The following B3GALT1 variants were observed in gnomAD, a reference collection of about 807,000 sequenced individuals.
B3GALT1 encodes the protein UDP-Gal:betaGlcNAc beta 1,3-galactosyltransferase, polypeptide 1.
Under a neutral mutation model 23.2 loss-of-function variants are expected in B3GALT1, and 10 were observed. The ratio of observed to expected loss-of-function variants is 0.43; its 90% CI spans 0.27 to 0.73. B3GALT1 has a LOEUF of 0.73. Ranked by LOEUF, B3GALT1 falls within the 30% of genes least tolerant of loss-of-function variation. The probability of loss-of-function intolerance (pLI) is 0.21; values close to 1 mark genes in which losing one functional copy is unlikely to be tolerated. For missense variants in B3GALT1, 299 were observed against 405.4 expected, an observed-to-expected ratio of 0.74 and a Z score of 2.25; for synonymous variants, 156 against 141.5, an observed-to-expected ratio of 1.10 and a Z score of -0.73.
At position 167,715,842 on chromosome 2, in the gene B3GALT1, T is replaced by C. The variant is rs1196142842; in HGVS notation, c.-352+68876T>C. 1.9e-5 allele frequency: 31 copies of C among 1,613,780 alleles called. No individual in the cohort carries two copies. In the East Asian group the frequency reaches 6.9e-4, roughly 36 times the overall value. Reference sequence around the variant, plus strand: ...GAAAGCATTTCACCAAGTTTTTTTCTCTCTTCCCACATAAAGCCGACTCCT... The same window carrying C: ...GAAAGCATTTCACCAAGTTTTTTTCCCTCTTCCCACATAAAGCCGACTCCT... On this transcript the variant is annotated intron_variant, in intron 3 of 4. Coordinates refer to ENST00000392690, the MANE Select transcript of B3GALT1 (RefSeq NM_020981.4).
intron 2 of B3GALT1, among the ~76,000 whole-genome samples, chr2:167,595,005 A>G (rs13426791): frequency 8.5e-4 from 129 of 152,260 alleles, no homozygotes; most frequent in African/African-American, 2.8e-3. Flanking sequence ...ACCCATCCCT[A>G]TATATTACTT....
intron 1 of B3GALT1, among the ~76,000 whole-genome samples, chr2:167,381,945 G>A (rs939295244): frequency 1.3e-5 from 2 of 152,096 alleles, no homozygotes; most frequent in Non-Finnish European, 2.9e-5. Flanking sequence ...CATTTGGATC[G>A]GATATATTGG....
intron 1 of B3GALT1, among the ~76,000 whole-genome samples, chr2:167,450,359 A>G (rs138281310): frequency 8.2e-4 from 124 of 152,142 alleles, no homozygotes; most frequent in African/African-American, 2.8e-3. Flanking sequence ...CATCTCCTCT[A>G]GGTTTTCTAG....
intron 3 of B3GALT1, among the ~76,000 whole-genome samples, chr2:167,736,205 A>T (rs1022248702): frequency 6.6e-6 from 1 of 152,204 alleles, no homozygotes; most frequent in African/African-American, 2.4e-5. Flanking sequence ...GAGATATTCA[A>T]AATGGAAATC....
At chr2:167,440,187 C>CA (rs1371343892) in intron 1 of B3GALT1, among the ~76,000 whole-genome samples, 10 of 151,258 alleles carry the variant, frequency 6.6e-5, no homozygotes, top group African/African-American at 2.2e-4. Context: ...ACTAAAAATA[C>CA]AAAAAATTAG....
At chr2:167,424,297 A>G (rs1384217528) in intron 1 of B3GALT1, among the ~76,000 whole-genome samples, 1 of 152,204 alleles carries the variant, frequency 6.6e-6, no homozygotes, top group African/African-American at 2.4e-5. Context: ...CTCTCATGCT[A>G]CAAAATGAGG....
At chr2:167,741,357 G>C (rs775174357) in intron 3 of B3GALT1, among the ~76,000 whole-genome samples, 1 of 152,112 alleles carries the variant, frequency 6.6e-6, no homozygotes, top group Non-Finnish European at 1.5e-5. Flanking sequence ...CATCTACTAA[G>C]TGCTAAACTT....
chr2:167,482,501 C>T (rs1699574194), intron 1 of B3GALT1, among the ~76,000 whole-genome samples: 1 of 152,150 alleles, frequency 6.6e-6, no homozygotes, highest in Admixed American at 6.5e-5. Context: ...TCCTCCAGGC[C>T]ATTGTTTCTC....
intron 3 of B3GALT1, among the ~76,000 whole-genome samples, chr2:167,711,698 C>T (rs1687050326): frequency 6.6e-6 from 1 of 152,118 alleles, no homozygotes; most frequent in Non-Finnish European, 1.5e-5. Flanking sequence ...GGAGTGGTGA[C>T]TCATGCATGT....
chr2:167,778,202 GT>G, intron 3 of B3GALT1, among the ~76,000 whole-genome samples: 1 of 152,134 alleles, frequency 6.6e-6, no homozygotes, highest in South Asian at 2.1e-4. Flanking sequence ...TAGTAAGAAG[GT>G]TTTCTCCTTA....
chr2:167,616,044 T>C (rs1216709263), intron 2 of B3GALT1, among the ~76,000 whole-genome samples: 1 of 149,884 alleles, frequency 6.7e-6, no homozygotes, highest in Non-Finnish European at 1.5e-5. Context: ...AAGCGTTCAG[T>C]AGAATAACAG....
In B3GALT1 at chr2:167,375,111, T is replaced by A. The variant is rs185173248; in HGVS notation, c.-511+81777T>A. ...TAGAGAATCCTTTCCCCATTGCTTA[T>A]TTTTTTGTCAACTTTGTTGAAGATT... On this transcript the variant is annotated intron_variant, in intron 1 of 4. Coordinates refer to ENST00000392690, the MANE Select transcript of B3GALT1 (RefSeq NM_020981.4). Among the ~76,000 whole-genome samples the A allele has an allele frequency of 5.4e-3, 816 of 152,228 alleles. 10 individuals are homozygous for A. The highest frequency in any genetic ancestry group is 0.019 in the African/African-American group (787 of 41,546).
chr2:167,356,709 T>C (rs1192317335), intron 1 of B3GALT1, among the ~76,000 whole-genome samples: 1 of 152,068 alleles, frequency 6.6e-6, no homozygotes, highest in Non-Finnish European at 1.5e-5. Flanking sequence ...GGGTAAATGC[T>C]AAAAGGTGGT....
chr2:167,713,706 T>C, intron 3 of B3GALT1: 1 of 1,510,812 alleles, frequency 6.6e-7, no homozygotes, highest in Non-Finnish European at 9.2e-7. Flanking sequence ...CCTTTGAAGG[T>C]GGAATCAACC....
intron 1 of B3GALT1, among the ~76,000 whole-genome samples, chr2:167,471,019 ATTGAAGAGATTCATTATAATATAGT>A (rs1241535504): frequency 6.6e-6 from 1 of 152,180 alleles, no homozygotes; most frequent in Non-Finnish European, 1.5e-5. Flanking sequence ...GACTAGGCTG[ATTGAAGAGATTCATTATAATATAGT>A]TTCAGCTCCT....
chr2:167,322,565 G>A (rs1473646965), intron 1 of B3GALT1, among the ~76,000 whole-genome samples: 1 of 151,922 alleles, frequency 6.6e-6, no homozygotes, highest in Non-Finnish European at 1.5e-5. Context: ...ACGACATTTA[G>A]TAAAATTAAA....
At chr2:167,393,045 T>C (rs981612952) in intron 1 of B3GALT1, among the ~76,000 whole-genome samples, 1 of 151,970 alleles carries the variant, frequency 6.6e-6, no homozygotes, top group Non-Finnish European at 1.5e-5. Flanking sequence ...CCATCCTGGC[T>C]AACACGGTGA....
At position 167,563,771 on chromosome 2, in the gene B3GALT1, GA is replaced by G. The variant is rs1446837710; in HGVS notation, c.-410+73495del. Among the ~76,000 whole-genome samples, 2 of 59,268 alleles carry G rather than the reference GA, an allele frequency of 3.4e-5. 1 individual carries two copies. 38.9% of individuals were successfully genotyped at this position (59,268 alleles called of 152,430 possible). A position where few individuals can be genotyped will look rare whatever the true frequency, so the allele number is the denominator to read the frequency against. On this transcript the variant is annotated intron_variant, in intron 2 of 4. Coordinates refer to ENST00000392690, the MANE Select transcript of B3GALT1 (RefSeq NM_020981.4). ...CCTCACCTCCCGGACGGGGCGGCTG[GA>G]CTCGGGGCTGACCCCCCCACCTCCC...
intron 2 of B3GALT1, among the ~76,000 whole-genome samples, chr2:167,530,350 T>C (rs1222719949): frequency 6.6e-6 from 1 of 152,214 alleles, no homozygotes; most frequent in Non-Finnish European, 1.5e-5. Flanking sequence ...CCCACTAGAA[T>C]GTAAGTTGCA....
Sources: gnomAD v4.1 joint callset for allele counts (sites outside exome capture counted in the v4.1 genomes callset) on GRCh38, gnomAD v4.1.1 for gene constraint, MANE v1.5 for transcripts, NCBI Gene and HGNC (gene_info 2026-07-23, HGNC 2026-07-21) for gene names.